Variants in TENM1 observed in about 807,000 individuals in gnomAD.
TENM1 encodes the protein teneurin transmembrane protein 1.
In TENM1, 35 loss-of-function variants were observed where a neutral mutation model predicts 174.8. That is an observed-to-expected ratio of 0.20 (90% CI 0.15 to 0.27). The LOEUF (loss-of-function observed/expected upper bound fraction) is 0.27, where lower values mean the gene tolerates loss of function less well. Ranked by LOEUF, TENM1 falls within the 10% of genes least tolerant of loss-of-function variation. The probability of loss-of-function intolerance (pLI) is 1.00; values close to 1 mark genes in which losing one functional copy is unlikely to be tolerated. For synonymous variants in TENM1, 781 were observed against 798.7 expected (o/e 0.98, Z 0.37); for missense variants, 1,633 against 2,130.1 (o/e 0.77, Z 4.59).
upstream of TENM1, among the ~76,000 whole-genome samples, chrX:124,964,048 T>A (rs923595516): frequency 1.8e-5 from 2 of 111,966 alleles, no homozygotes; most frequent in African/African-American, 3.2e-5. Context: ...ATACTCAAGG[T>A]AAAAGAGAGA....
intron 22 of TENM1, among the ~76,000 whole-genome samples, chrX:124,466,520 A>AT (rs890487406): frequency 1.4e-4 from 16 of 110,719 alleles, no homozygotes; most frequent in African/African-American, 3.9e-4. Context: ...ATTGGCTAGT[A>AT]TTTTTTTTTA....
At chrX:124,608,743 T>A (rs140732929) in intron 11 of TENM1, among the ~76,000 whole-genome samples, 1 of 109,216 alleles carries the variant, frequency 9.2e-6, no homozygotes. Context: ...CTCAGATTAA[T>A]AGTCAGGGGA....
At chrX:124,832,018 A>G (rs1317296325) in intron 3 of TENM1, among the ~76,000 whole-genome samples, 1 of 111,757 alleles carries the variant, frequency 8.9e-6, no homozygotes, top group Non-Finnish European at 1.9e-5. Context: ...TGCATAATAT[A>G]CAATGCAAGT....
chrX:125,001,846 G>C, the TENM1 span, among the ~76,000 whole-genome samples: 1 of 85,706 alleles, frequency 1.2e-5, no homozygotes, highest in Non-Finnish European at 2.3e-5. Flanking sequence ...ACAAACTATA[G>C]ATAGATACAC....
intron 20 of TENM1, among the ~76,000 whole-genome samples, chrX:124,495,034 G>A (rs2047162944): frequency 9.5e-6 from 1 of 105,099 alleles, no homozygotes; most frequent in Admixed American, 1.0e-4. Context: ...ACCCAGTAAT[G>A]GGATGGCTGG....
chrX:125,195,856 CAGA>C, the TENM1 span, among the ~76,000 whole-genome samples: 5 of 110,137 alleles, frequency 4.5e-5, no homozygotes, highest in African/African-American at 1.7e-4. Flanking sequence ...TGGCCAGAAT[CAGA>C]AGAAGAATAA....
chrX:124,596,444 A>G (rs138610271), intron 11 of TENM1, among the ~76,000 whole-genome samples: 3 of 112,152 alleles, frequency 2.7e-5, no homozygotes, highest in Admixed American at 9.5e-5. Context: ...GGAGCATGGA[A>G]TCTATTGCAT....
the TENM1 span, among the ~76,000 whole-genome samples, chrX:125,181,906 C>T: frequency 0.021 from 2,370 of 111,811 alleles, 61 homozygotes; most frequent in African/African-American, 0.073. Context: ...TCATGATCAA[C>T]AACTAGAGAC....
chrX:124,477,745 G>A (rs1171369061), intron 22 of TENM1, among the ~76,000 whole-genome samples: 4 of 73,443 alleles, frequency 5.4e-5, no homozygotes, highest in East Asian at 4.1e-4. Context: ...GCGAGACTTC[G>A]TCTCAAAAAA....
chrX:124,794,350 T>C (rs1030084601), intron 3 of TENM1, among the ~76,000 whole-genome samples: 4 of 111,520 alleles, frequency 3.6e-5, no homozygotes, highest in South Asian at 3.8e-4. Context: ...AAAACATAAT[T>C]CTTGATTCCC....
the TENM1 span, among the ~76,000 whole-genome samples, chrX:125,116,088 C>T: frequency 1.8e-4 from 20 of 111,483 alleles, no homozygotes; most frequent in South Asian, 7.5e-3. Flanking sequence ...AGAAATAATG[C>T]CACACATCTA....
At chrX:124,522,811 C>T (rs2047884509) in intron 17 of TENM1, among the ~76,000 whole-genome samples, 1 of 110,079 alleles carries the variant, frequency 9.1e-6, no homozygotes, top group African/African-American at 3.3e-5. Flanking sequence ...GCCTCAGCCT[C>T]CTGAGTAGCT....
At chrX:124,878,958 T>C (rs1456970445) in intron 3 of TENM1, among the ~76,000 whole-genome samples, 1 of 111,955 alleles carries the variant, frequency 8.9e-6, no homozygotes, top group East Asian at 2.8e-4. Context: ...GCTTCTGAAT[T>C]TTCTTCTGGA....
intron 6 of TENM1, among the ~76,000 whole-genome samples, chrX:124,664,698 G>GTGTA (rs1423698176): frequency 3.8e-5 from 4 of 106,034 alleles, no homozygotes; most frequent in African/African-American, 1.4e-4. Flanking sequence ...GTGTGTGTGT[G>GTGTA]TGTGTGTGTG....
At chrX:124,895,291 C>T (rs1430191387) in intron 2 of TENM1, among the ~76,000 whole-genome samples, 1 of 111,890 alleles carries the variant, frequency 8.9e-6, no homozygotes, top group Admixed American at 9.5e-5. Flanking sequence ...CAGTAATGTG[C>T]TTTTTATGAA....
chrX:124,584,768 G>C (rs1351808887), intron 11 of TENM1, among the ~76,000 whole-genome samples: 1 of 111,126 alleles, frequency 9.0e-6, no homozygotes, highest in Non-Finnish European at 1.9e-5. Context: ...AAGATCCATC[G>C]GTGTGCTTTA....
At chrX:124,903,159 G>A (rs768046189) in intron 1 of TENM1, among the ~76,000 whole-genome samples, 4 of 111,112 alleles carry the variant, frequency 3.6e-5, no homozygotes, top group African/African-American at 9.8e-5. Flanking sequence ...CCATTATCTC[G>A]GCACTCAGGA....
chrX:124,853,964 G>C (rs1380282342), intron 3 of TENM1, among the ~76,000 whole-genome samples: 2 of 111,067 alleles, frequency 1.8e-5, no homozygotes, highest in Non-Finnish European at 3.8e-5. Flanking sequence ...GTAAGAGAGA[G>C]AGCCTGAAAA....
intron 10 of TENM1, among the ~76,000 whole-genome samples, chrX:124,643,919 C>T (rs1206176319): frequency 9.4e-6 from 1 of 106,833 alleles, no homozygotes; most frequent in Non-Finnish European, 1.9e-5. Context: ...GTCTATATAG[C>T]ATATGAATTT....
Sources: gnomAD v4.1 joint callset for allele counts (sites outside exome capture counted in the v4.1 genomes callset) on GRCh38, gnomAD v4.1.1 for gene constraint, MANE v1.5 for transcripts, NCBI Gene and HGNC (gene_info 2026-07-23, HGNC 2026-07-21) for gene names.